The following STXBP5L variants were observed in gnomAD, a reference collection of about 807,000 sequenced individuals.
STXBP5L encodes syntaxin-binding protein 5-like.
STXBP5L carries 65 observed loss-of-function variants against 144.5 expected under a neutral mutation model. The ratio of observed to expected loss-of-function variants is 0.45; its 90% confidence interval spans 0.37 to 0.55. The LOEUF is 0.55. Among genes scored for constraint, STXBP5L ranks in the 20% least tolerant of loss-of-function variants. The pLI is 0.00. For synonymous variants in STXBP5L, 505 were observed against 469.6 expected, an observed-to-expected ratio of 1.08 and a Z score of -0.97; for missense variants, 1,298 against 1,405.5, an observed-to-expected ratio of 0.92 and a Z score of 1.22.
At chr3:121,287,886 G>C (rs1272673763) in intron 19 of STXBP5L, among the ~76,000 whole-genome samples, 2 of 152,056 alleles carry the variant, frequency 1.3e-5, no homozygotes, top group Non-Finnish European at 2.9e-5. Flanking sequence ...GAAAAGTTAA[G>C]AAGACTTAAA....
At chr3:121,029,766 T>G (rs1946228934) in intron 3 of STXBP5L, among the ~76,000 whole-genome samples, 1 of 152,124 alleles carries the variant, frequency 6.6e-6, no homozygotes, top group African/African-American at 2.4e-5. Context: ...GGGAGAATTT[T>G]TTTTGAATCT....
chr3:121,346,019 A>G (rs1553772594), intron 20 of STXBP5L, among the ~76,000 whole-genome samples: 1 of 151,840 alleles, frequency 6.6e-6, no homozygotes, highest in Non-Finnish European at 1.5e-5. Context: ...TTTGTTGCAT[A>G]TGTGTACATG....
Position 120,992,158 on chromosome 3 carries a change from T to G in STXBP5L, c.287+37121T>G, listed in dbSNP as rs182647671. Among the ~76,000 whole-genome samples, 24 of 152,218 alleles carry G rather than the reference T, an allele frequency of 1.6e-4. 1 individual carries two copies. The East Asian group carries it at 4.6e-3, about 29-fold the overall frequency. On this transcript the variant is annotated intron_variant, in intron 3 of 26. Transcript: ENST00000471454. ...CTTTAAAAAAACTTATTTATTTATT[T>G]ATTTTTAGATTGATTCTTAATATTT...
At chr3:121,095,331 C>G (rs975125686) in intron 5 of STXBP5L, among the ~76,000 whole-genome samples, 1 of 152,136 alleles carries the variant, frequency 6.6e-6, no homozygotes, top group Non-Finnish European at 1.5e-5. Flanking sequence ...GAATGTTGGC[C>G]TGTCCTTCTA....
At chr3:121,343,587 A>T (rs1314278678) in intron 20 of STXBP5L, among the ~76,000 whole-genome samples, 4 of 152,164 alleles carry the variant, frequency 2.6e-5, no homozygotes, top group Non-Finnish European at 5.9e-5. Context: ...AATCACAAGC[A>T]TTCTTATACA....
At chr3:121,191,746 C>T (rs2047694219) in intron 9 of STXBP5L, among the ~76,000 whole-genome samples, 1 of 152,154 alleles carries the variant, frequency 6.6e-6, no homozygotes, top group Non-Finnish European at 1.5e-5. Context: ...GGCACATATA[C>T]ACCATGGAAT....
chr3:121,019,031 G>T lies in STXBP5L; in HGVS notation c.288-22669G>T, dbSNP rs544907336. On this transcript the variant is annotated intron_variant, in intron 3 of 26. Transcript: ENST00000471454. Reference sequence around the variant, plus strand: ...AAATAAACTCTGTGCTGTTGAGGGGGCACAGTGGGAGTGAAACTGGCCTTT... The same window carrying T: ...AAATAAACTCTGTGCTGTTGAGGGGTCACAGTGGGAGTGAAACTGGCCTTT... Among the ~76,000 whole-genome samples the T allele has an allele frequency of 2.6e-5, 4 of 152,308 alleles. No homozygotes were observed. The South Asian group carries it at 8.3e-4, about 32-fold the overall frequency.
At chr3:121,213,948 G>T (rs1460857991) in intron 10 of STXBP5L, among the ~76,000 whole-genome samples, 2 of 152,004 alleles carry the variant, frequency 1.3e-5, no homozygotes, top group African/African-American at 4.8e-5. Context: ...GGTATATGTG[G>T]TTAGGAATTT....
chr3:120,908,554 C>G (rs1174525888), intron 1 of STXBP5L, among the ~76,000 whole-genome samples: 1 of 151,804 alleles, frequency 6.6e-6, no homozygotes. Context: ...GCGCGAATGC[C>G]TCGGCGTGAG....
At chr3:121,405,944 A>G (rs2046985205) in intron 22 of STXBP5L, among the ~76,000 whole-genome samples, 1 of 152,066 alleles carries the variant, frequency 6.6e-6, no homozygotes, top group African/African-American at 2.4e-5. Flanking sequence ...TGTCTTTTTA[A>G]CCTACTGTCA....
intron 20 of STXBP5L, among the ~76,000 whole-genome samples, chr3:121,341,684 A>G (rs1189035159): frequency 1.3e-5 from 2 of 152,190 alleles, no homozygotes; most frequent in East Asian, 3.8e-4. Context: ...GTATTCAACC[A>G]CACCAAAGAG....
intron 7 of STXBP5L, among the ~76,000 whole-genome samples, chr3:121,134,721 C>A (rs2045163783): frequency 1.3e-5 from 2 of 152,130 alleles, no homozygotes; most frequent in Non-Finnish European, 2.9e-5. Flanking sequence ...CATGTCCCTG[C>A]AAAGGACATG....
intron 2 of STXBP5L, among the ~76,000 whole-genome samples, chr3:120,933,018 AG>A (rs1364140068): frequency 7.4e-6 from 1 of 134,650 alleles, no homozygotes; most frequent in Non-Finnish European, 1.5e-5. Flanking sequence ...GGACATAGGA[AG>A]GGGAACATCA....
chr3:121,066,909 A>C (rs1163594178), intron 5 of STXBP5L, among the ~76,000 whole-genome samples: 1 of 151,990 alleles, frequency 6.6e-6, no homozygotes, highest in Non-Finnish European at 1.5e-5. Flanking sequence ...AAATGTTCAG[A>C]TATTCTGTTT....
intron 5 of STXBP5L, among the ~76,000 whole-genome samples, chr3:121,047,212 G>C (rs1947577819): frequency 6.6e-6 from 1 of 152,100 alleles, no homozygotes; most frequent in African/African-American, 2.4e-5. Context: ...TATGGCCTGA[G>C]AGTGTGGTTG....
chr3:121,347,167 A>G (rs558788810), intron 20 of STXBP5L, among the ~76,000 whole-genome samples: 10 of 152,320 alleles, frequency 6.6e-5, no homozygotes, highest in African/African-American at 9.6e-5. Flanking sequence ...AGCTTTCTAC[A>G]TATGGCTAGC....
intron 5 of STXBP5L, among the ~76,000 whole-genome samples, chr3:121,047,493 C>CT (rs1947599627): frequency 6.6e-6 from 1 of 152,120 alleles, no homozygotes; most frequent in Admixed American, 6.6e-5. Context: ...ATCTAAGTCT[C>CT]TTTGTAGGTC....
intron 20 of STXBP5L, 54 bp from the exon 21 acceptor site, chr3:121,378,661 CT>C: frequency 6.5e-7 from 1 of 1,541,806 alleles, no homozygotes; most frequent in Non-Finnish European, 8.8e-7. Flanking sequence ...GCTTGTATTC[CT>C]TTGTATTAAG....
chr3:121,266,774 C>A (rs541625520), intron 18 of STXBP5L, among the ~76,000 whole-genome samples: 10 of 152,170 alleles, frequency 6.6e-5, no homozygotes, highest in Non-Finnish European at 1.3e-4. Flanking sequence ...GCAACTTCAA[C>A]AAAGTGGCAG....
Sources: gnomAD v4.1 joint callset for allele counts (sites outside exome capture counted in the v4.1 genomes callset) on GRCh38, gnomAD v4.1.1 for gene constraint, MANE v1.5 for transcripts, NCBI Gene and HGNC (gene_info 2026-07-23, HGNC 2026-07-21) for gene names.